KHDRBS2: variants seen among roughly 807,000 people sequenced by gnomAD.
The protein encoded by KHDRBS2 is KH domain-containing, RNA-binding, signal transduction-associated protein 2.
Under a neutral mutation model 44.3 loss-of-function variants are expected in KHDRBS2, and 26 were observed. That is an observed-to-expected ratio of 0.59 (90% CI 0.43 to 0.81). The LOEUF (loss-of-function observed/expected upper bound fraction) is 0.81. Ranked by LOEUF, KHDRBS2 falls within the 40% of genes least tolerant of loss-of-function variation. The pLI, the probability that KHDRBS2 is intolerant of heterozygous loss-of-function variation, is 0.00. For synonymous variants in KHDRBS2, 194 were observed against 151.1 expected, an observed-to-expected ratio of 1.28 and a Z score of -2.08; for missense variants, 476 against 433.1, an observed-to-expected ratio of 1.10 and a Z score of -0.88.
chr6:62,057,925 G>C (rs1790669042), intron 2 of KHDRBS2, among the ~76,000 whole-genome samples: 1 of 151,726 alleles, frequency 6.6e-6, no homozygotes, highest in South Asian at 2.1e-4. Context: ...TAAGTGTCAG[G>C]CCATTTTAAG....
chr6:61,884,497 T>C (rs1231187372), intron 6 of KHDRBS2, among the ~76,000 whole-genome samples: 4 of 152,116 alleles, frequency 2.6e-5, no homozygotes, highest in Admixed American at 1.3e-4. Context: ...AACTGTTTTG[T>C]CTACCTGAAG....
chr6:62,072,880 CT>C (rs1293036599), intron 2 of KHDRBS2, among the ~76,000 whole-genome samples: 3 of 152,076 alleles, frequency 2.0e-5, no homozygotes, highest in Non-Finnish European at 4.4e-5. Context: ...ACGATTCCCT[CT>C]TTTTTTATTG....
intron 6 of KHDRBS2, among the ~76,000 whole-genome samples, chr6:61,851,406 G>A (rs1795397216): frequency 6.6e-6 from 1 of 152,002 alleles, no homozygotes; most frequent in South Asian, 2.1e-4. Flanking sequence ...AAATTCATAT[G>A]TTGAATTCCT....
At chr6:62,100,672 T>C (rs561638464) in intron 2 of KHDRBS2, among the ~76,000 whole-genome samples, 3 of 152,310 alleles carry the variant, frequency 2.0e-5, no homozygotes, top group African/African-American at 7.2e-5. Flanking sequence ...CAGGAAATCA[T>C]TGGCATTTTT....
intron 2 of KHDRBS2, among the ~76,000 whole-genome samples, chr6:62,076,551 A>T (rs1221191984): frequency 3.9e-5 from 6 of 152,034 alleles, no homozygotes; most frequent in Non-Finnish European, 7.4e-5. Flanking sequence ...ATTCACTGTG[A>T]AGCCTTTTTG....
the KHDRBS2 span, among the ~76,000 whole-genome samples, chr6:61,663,289 T>C: frequency 1.4e-5 from 2 of 140,494 alleles, no homozygotes. Flanking sequence ...TTAGGAGATA[T>C]ACCTAATGCT....
intron 1 of KHDRBS2, among the ~76,000 whole-genome samples, chr6:62,272,845 C>A (rs1161128217): frequency 6.6e-6 from 1 of 151,950 alleles, no homozygotes; most frequent in African/African-American, 2.4e-5. Context: ...TTACACTGAG[C>A]AAGTTAGAAA....
At chr6:61,855,833 G>T (rs1166284073) in intron 6 of KHDRBS2, among the ~76,000 whole-genome samples, 1 of 151,946 alleles carries the variant, frequency 6.6e-6, no homozygotes, top group Non-Finnish European at 1.5e-5. Context: ...GTGAGAATGA[G>T]CTCCTCTTTC....
At chr6:61,840,994 C>G (rs1472627660) in intron 6 of KHDRBS2, among the ~76,000 whole-genome samples, 3 of 152,100 alleles carry the variant, frequency 2.0e-5, no homozygotes, top group Non-Finnish European at 4.4e-5. Flanking sequence ...TTGAGAGTTA[C>G]AGTTTTTATC....
intron 2 of KHDRBS2, among the ~76,000 whole-genome samples, chr6:62,157,283 C>T (rs186603477): frequency 4.6e-5 from 7 of 151,522 alleles, no homozygotes; most frequent in South Asian, 2.1e-4. Flanking sequence ...GCCAAGATAG[C>T]GCCACTGCAC....
At chr6:61,992,162 G>T (rs1203473047) in intron 3 of KHDRBS2, among the ~76,000 whole-genome samples, 1 of 152,122 alleles carries the variant, frequency 6.6e-6, no homozygotes, top group Non-Finnish European at 1.5e-5. Flanking sequence ...AATCAAACTT[G>T]ATCATATTAG....
chr6:62,103,781 C>G (rs1802481571), intron 2 of KHDRBS2, among the ~76,000 whole-genome samples: 1 of 152,128 alleles, frequency 6.6e-6, no homozygotes, highest in Non-Finnish European at 1.5e-5. Context: ...CCATCAACAG[C>G]AGTTTTCTCA....
At chr6:61,697,381 A>G in intron 7 of KHDRBS2, 128 bp from the exon 8 acceptor site, 1 of 656,278 alleles carries the variant, frequency 1.5e-6, no homozygotes. Context: ...ATAAAACACA[A>G]TCCTAAATAA....
At chr6:61,938,591 A>T (rs1200591042) in intron 4 of KHDRBS2, among the ~76,000 whole-genome samples, 1 of 152,200 alleles carries the variant, frequency 6.6e-6, no homozygotes, top group African/African-American at 2.4e-5. Flanking sequence ...GTTCTACATC[A>T]TGGCATGAGA....
intron 4 of KHDRBS2, among the ~76,000 whole-genome samples, chr6:61,955,005 T>C (rs1233934743): frequency 7.7e-6 from 1 of 130,062 alleles, no homozygotes; most frequent in Non-Finnish European, 1.6e-5. Flanking sequence ...TAGACATACA[T>C]ATGTATGTAT....
chr6:62,280,406 G>T (rs1031191517), intron 1 of KHDRBS2, among the ~76,000 whole-genome samples: 2 of 152,086 alleles, frequency 1.3e-5, no homozygotes, highest in African/African-American at 4.8e-5. Flanking sequence ...AGAATATAGT[G>T]CCCAGAAGAC....
At chr6:62,088,769 C>G (rs1584620031) in intron 2 of KHDRBS2, among the ~76,000 whole-genome samples, 1 of 152,188 alleles carries the variant, frequency 6.6e-6, no homozygotes, top group South Asian at 2.1e-4. Context: ...GATCCACTCT[C>G]TCTTCAGAGC....
chr6:62,270,550 G>T (rs1337005750), intron 1 of KHDRBS2, among the ~76,000 whole-genome samples: 1 of 151,870 alleles, frequency 6.6e-6, no homozygotes, highest in Non-Finnish European at 1.5e-5. Context: ...GAGACAGCAG[G>T]TTATGGAAAG....
At chr6:62,218,514 T>C (rs1011562251) in intron 1 of KHDRBS2, among the ~76,000 whole-genome samples, 1 of 151,678 alleles carries the variant, frequency 6.6e-6, no homozygotes, top group Non-Finnish European at 1.5e-5. Flanking sequence ...AAAAGACAGA[T>C]ATCAAATATG....
Sources: gnomAD v4.1 joint callset for allele counts (sites outside exome capture counted in the v4.1 genomes callset) on GRCh38, gnomAD v4.1.1 for gene constraint, MANE v1.5 for transcripts, NCBI Gene and HGNC (gene_info 2026-07-23, HGNC 2026-07-21) for gene names.